TEAD1: variants seen among roughly 807,000 people sequenced by gnomAD.
TEAD1 encodes transcriptional enhancer factor TEF-1.
In TEAD1, 9 loss-of-function variants were observed where a neutral mutation model predicts 54.9. The ratio of observed to expected loss-of-function variants is 0.16; its 90% CI spans 0.10 to 0.29. The LOEUF (loss-of-function observed/expected upper bound fraction) is 0.29, where lower values mean the gene tolerates loss of function less well. Ranked by LOEUF, TEAD1 falls within the 10% of genes least tolerant of loss-of-function variation. The probability of loss-of-function intolerance (pLI) is 1.00; values close to 1 mark genes in which losing one functional copy is unlikely to be tolerated. For synonymous variants in TEAD1, 200 were observed against 187.8 expected (o/e 1.07, Z -0.53); for missense variants, 387 against 535.9 (o/e 0.72, Z 2.74).
intron 3 of TEAD1, among the ~76,000 whole-genome samples, chr11:12,842,010 C>G (rs1161132784): frequency 6.6e-6 from 1 of 151,970 alleles, no homozygotes; most frequent in Non-Finnish European, 1.5e-5. Flanking sequence ...CCTCATGTGC[C>G]GAATTCTGAA....
intron 2 of TEAD1, among the ~76,000 whole-genome samples, chr11:12,762,463 G>A (rs1945121153): frequency 6.6e-6 from 1 of 152,138 alleles, no homozygotes; most frequent in South Asian, 2.1e-4. Flanking sequence ...GTCACAAAAT[G>A]CTTTCTTGTG....
At chr11:12,882,525 A>T (rs1341859847) in intron 8 of TEAD1, among the ~76,000 whole-genome samples, 4 of 152,156 alleles carry the variant, frequency 2.6e-5, no homozygotes, top group Admixed American at 6.5e-5. Flanking sequence ...GGATTCCCCA[A>T]ACTGAAAATG....
intron 2 of TEAD1, among the ~76,000 whole-genome samples, chr11:12,739,998 C>T (rs1397876899): frequency 6.6e-6 from 1 of 152,174 alleles, no homozygotes; most frequent in Non-Finnish European, 1.5e-5. Context: ...GCTATTGAAT[C>T]GGCCTCTGAA....
intron 3 of TEAD1, among the ~76,000 whole-genome samples, chr11:12,778,917 C>CCCACT (rs765770026): frequency 1.3e-5 from 2 of 152,040 alleles, no homozygotes; most frequent in African/African-American, 2.4e-5. Context: ...TTTGCAAGAC[C>CCCACT]CCACTCCCCT....
chr11:12,864,622 G>GTT (rs1947578455), intron 4 of TEAD1: 1 of 948,718 alleles, frequency 1.1e-6, no homozygotes, highest in African/African-American at 2.0e-5. Flanking sequence ...TTCCTTTTTT[G>GTT]TTTTGTTTTG....
rs1470872205 is a variant in TEAD1, at chr11:12,938,713, C to T, written c.*1491C>T. 3 of 152,234 alleles carry T rather than the reference C, an allele frequency of 2.0e-5. No individual in the cohort carries two copies. Among genetic ancestry groups the T allele is most frequent in the Non-Finnish European group, 4.4e-5 (3 of 68,066 alleles). The allele number at this position is 152,234 out of a possible 1,614,324, so 9.4% of individuals were successfully genotyped here. On this transcript the variant is annotated 3_prime_UTR_variant, in exon 13 of 13. Coordinates refer to ENST00000527636, the MANE Select transcript of TEAD1 (RefSeq NM_021961.6). Reference sequence around the variant, plus strand: ...ATTCAACTTTCCAATCTAAGTATTCCAGAGCATTGCCCAGGCAGAGTTGGT... The same window carrying T: ...ATTCAACTTTCCAATCTAAGTATTCTAGAGCATTGCCCAGGCAGAGTTGGT...
At chr11:12,866,481 T>G (rs1426207391) in intron 5 of TEAD1, among the ~76,000 whole-genome samples, 1 of 152,204 alleles carries the variant, frequency 6.6e-6, no homozygotes, top group Admixed American at 6.5e-5. Context: ...CTTGGTGAAT[T>G]TTAGAGTTTT....
At chr11:12,676,556 G>A (rs1943096234) in intron 2 of TEAD1, among the ~76,000 whole-genome samples, 1 of 152,206 alleles carries the variant, frequency 6.6e-6, no homozygotes, top group Admixed American at 6.5e-5. Flanking sequence ...ATATCTGAAT[G>A]CTTACAAGGA....
chr11:12,805,026 C>A (rs1361518062), intron 3 of TEAD1, among the ~76,000 whole-genome samples: 1 of 152,142 alleles, frequency 6.6e-6, no homozygotes, highest in African/African-American at 2.4e-5. Context: ...CACATTTTGG[C>A]TCAATTATAA....
rs535517708 is a variant in TEAD1, at chr11:12,935,717, C to T, written c.1168-1392C>T. On this transcript the variant is annotated intron_variant, in intron 12 of 12. Coordinates refer to ENST00000527636, the MANE Select transcript of TEAD1 (RefSeq NM_021961.6). ...TTGTGATCCACCTGCATTGGCCTCC[C>T]GAAGTGCTGGGATTACAGGCGTGAG... is the stretch of plus-strand genomic sequence containing the variant. Among the ~76,000 whole-genome samples, 7 of 152,236 alleles carry T rather than the reference C, an allele frequency of 4.6e-5. No homozygotes were observed. The East Asian group carries it at 1.2e-3, about 25-fold the overall frequency.
chr11:12,854,871 C>T (rs1313319948), intron 3 of TEAD1, among the ~76,000 whole-genome samples: 3 of 151,644 alleles, frequency 2.0e-5, no homozygotes, highest in Non-Finnish European at 4.4e-5. Context: ...GCTTGGATTA[C>T]AGGCGTGAGC....
rs577702509 is a variant in TEAD1, at chr11:12,940,797, G to A, written c.*3575G>A. On this transcript the variant is annotated 3_prime_UTR_variant, in exon 13 of 13. Transcript: ENST00000527636. Reference sequence around the variant, plus strand: ...ACTTATTTCGGCATATTTCCTCTGGGCTTCTTCTAGTTTCTGCCTTACAAG... The same window carrying A: ...ACTTATTTCGGCATATTTCCTCTGGACTTCTTCTAGTTTCTGCCTTACAAG... 2.0e-5 allele frequency: 3 copies of A among 152,178 alleles called. No homozygotes were observed. The highest frequency in any genetic ancestry group is 7.2e-5 in the African/African-American group (3 of 41,510). The allele number at this position is 152,178 out of a possible 1,614,324, so 9.4% of individuals were successfully genotyped here.
At chr11:12,761,320 G>T (rs775538795) in intron 2 of TEAD1, among the ~76,000 whole-genome samples, 10 of 152,162 alleles carry the variant, frequency 6.6e-5, no homozygotes, top group Non-Finnish European at 1.3e-4. Flanking sequence ...TATTGAGTTG[G>T]AATATTCTTT....
At chr11:12,744,297 G>C (rs1241714082) in intron 2 of TEAD1, among the ~76,000 whole-genome samples, 1 of 152,186 alleles carries the variant, frequency 6.6e-6, no homozygotes, top group Non-Finnish European at 1.5e-5. Context: ...CTGTAGGCTA[G>C]GAATCTGTCC....
chr11:12,910,571 T>A (rs567952147), intron 10 of TEAD1, among the ~76,000 whole-genome samples: 20 of 152,314 alleles, frequency 1.3e-4, no homozygotes, highest in African/African-American at 4.8e-4. Flanking sequence ...AACAAATTTT[T>A]AAATATACAT....
intron 2 of TEAD1, among the ~76,000 whole-genome samples, chr11:12,720,424 T>C (rs368138892): frequency 6.6e-6 from 1 of 152,326 alleles, no homozygotes; most frequent in East Asian, 1.9e-4. Flanking sequence ...ACAATGCTTA[T>C]AGTAACTGCT....
intron 3 of TEAD1, among the ~76,000 whole-genome samples, chr11:12,803,271 G>A (rs1354809364): frequency 2.0e-5 from 3 of 152,032 alleles, no homozygotes; most frequent in Admixed American, 2.0e-4. Context: ...CTCAGCCCCT[G>A]TACATTCGAG....
intron 3 of TEAD1, chr11:12,822,365 A>C (rs1370572455): frequency 6.6e-6 from 1 of 152,186 alleles, no homozygotes; most frequent in African/African-American, 2.4e-5. Flanking sequence ...GACTGAAATA[A>C]TTATTTTGAA....
chr11:12,798,818 G>C (rs1945990591), intron 3 of TEAD1, among the ~76,000 whole-genome samples: 1 of 152,244 alleles, frequency 6.6e-6, no homozygotes, highest in African/African-American at 2.4e-5. Context: ...GGTGGTGATT[G>C]ATGTTGGATG....
Sources: allele counts gnomAD v4.1 joint callset (sites outside exome capture counted in the v4.1 genomes callset), GRCh38; gene constraint gnomAD v4.1.1; transcripts MANE v1.5; gene names NCBI Gene and HGNC (gene_info 2026-07-23, HGNC 2026-07-21).